SH3KBP1: variants seen among roughly 807,000 people sequenced by gnomAD.
SH3KBP1 encodes the protein SH3 domain-containing kinase-binding protein 1.
SH3KBP1 carries 8 observed loss-of-function variants against 50.1 expected under a neutral mutation model. That is an observed-to-expected ratio of 0.16 (90% CI 0.09 to 0.29). SH3KBP1 has a LOEUF of 0.29. Ranked by LOEUF, SH3KBP1 falls within the 10% of genes least tolerant of loss-of-function variation. SH3KBP1 has a pLI of 1.00. For missense variants in SH3KBP1, 377 were observed against 535.2 expected (o/e 0.70, Z 2.92); for synonymous variants, 227 against 218.6 (o/e 1.04, Z -0.34).
intron 3 of SH3KBP1, among the ~76,000 whole-genome samples, chrX:19,733,882 A>G (rs753884080): frequency 2.7e-5 from 3 of 112,018 alleles, no homozygotes; most frequent in Non-Finnish European, 3.8e-5. Context: ...AGCTTAGAAC[A>G]CTAAGCAGCA....
chrX:19,593,660 T>C (rs769060292), intron 10 of SH3KBP1, among the ~76,000 whole-genome samples: 46 of 110,841 alleles, frequency 4.2e-4, no homozygotes, highest in African/African-American at 1.3e-3. Context: ...CTAACAATAA[T>C]GAAGTCGGTA....
chrX:19,559,419 C>T (rs1046033907), intron 13 of SH3KBP1, among the ~76,000 whole-genome samples: 1 of 103,205 alleles, frequency 9.7e-6, no homozygotes, highest in Non-Finnish European at 2.0e-5. Flanking sequence ...CTCCGCCTCC[C>T]GGGTTCAAGC....
chrX:19,835,151 C>T (rs1430701436), intron 2 of SH3KBP1, among the ~76,000 whole-genome samples: 3 of 110,954 alleles, frequency 2.7e-5, no homozygotes, highest in Non-Finnish European at 3.8e-5. Flanking sequence ...TCTACCTTTA[C>T]TTATTTGTTT....
intron 1 of SH3KBP1, among the ~76,000 whole-genome samples, chrX:19,879,767 A>G (rs2069377299): frequency 8.8e-6 from 1 of 113,030 alleles, no homozygotes; most frequent in Non-Finnish European, 1.9e-5. Flanking sequence ...CATAAAACGA[A>G]GACTGTGGTT....
Position 19,683,857 on chromosome X carries a change from A to G in SH3KBP1, c.692T>C (p.Ile231Thr), listed in dbSNP as rs1283584841. 10 of 1,209,937 alleles carry G rather than the reference A, an allele frequency of 8.3e-6. No individual in the cohort carries two copies. In the African/African-American group the frequency reaches 1.4e-4, roughly 17 times the overall value. The stretch of plus-strand genomic sequence containing the variant: ...CGGCAGAAAGTCATTTTCTACTTCA[A>G]TTGACCTTGGTCTTAGTTTGATTGG... ...DKPIKLRPRSIEVENDFLPVE... is the reference protein window; with the variant it reads ...DKPIKLRPRSTEVENDFLPVE... Residue 231 changes from isoleucine (I) to threonine (T), a missense_variant, in exon 6 of 18, where the codon ATT becomes ACT. Ile to Thr is a moderately conservative substitution (Grantham distance 89). Around this residue, in one of 3 missense-constraint regions of SH3KBP1, gnomAD observed 257 missense variants for 374.2 expected, o/e 0.69. Coordinates refer to ENST00000397821, the MANE Select transcript of SH3KBP1 (RefSeq NM_031892.3).
At chrX:19,687,083 T>C (rs1444901014) in intron 5 of SH3KBP1, among the ~76,000 whole-genome samples, 1 of 112,967 alleles carries the variant, frequency 8.9e-6, no homozygotes, top group African/African-American at 3.2e-5. Context: ...GGCTACACAT[T>C]GGTCCTGCCA....
intron 15 of SH3KBP1, among the ~76,000 whole-genome samples, chrX:19,543,848 G>A (rs1456427832): frequency 9.0e-6 from 1 of 111,421 alleles, no homozygotes; most frequent in Non-Finnish European, 1.9e-5. Context: ...GAGAGAAGAG[G>A]GGTGCCCAGT....
intron 3 of SH3KBP1, among the ~76,000 whole-genome samples, chrX:19,726,079 A>G (rs1025058275): frequency 1.7e-4 from 19 of 111,996 alleles, no homozygotes; most frequent in Non-Finnish European, 3.6e-4. Flanking sequence ...TGCCAAAGAC[A>G]GGACTATAGA....
chrX:19,683,815 G>A lies in SH3KBP1; in HGVS notation c.726+8C>T, dbSNP rs777873973. 43 of 1,197,214 alleles carry A rather than the reference G, an allele frequency of 3.6e-5. No individual in the cohort carries two copies. Among genetic ancestry groups the A allele is most frequent in the Non-Finnish European group, 4.5e-5 (40 of 883,452 alleles). On this transcript the variant is annotated splice_region_variant and intron_variant, in intron 6 of 17. Transcript: ENST00000397821. ...AAGTTGAAATCAAATAGAAACTGTC[G>A]AACATACCTTTTCTACCGGCAGAAA...
chrX:19,846,192 C>T (rs1224296753), intron 1 of SH3KBP1, among the ~76,000 whole-genome samples: 2 of 110,805 alleles, frequency 1.8e-5, no homozygotes, highest in African/African-American at 6.6e-5. Context: ...CTCCAGAGTA[C>T]AGGCATGCAC....
intron 2 of SH3KBP1, among the ~76,000 whole-genome samples, chrX:19,768,727 C>T (rs1389662754): frequency 9.2e-6 from 1 of 108,955 alleles, no homozygotes; most frequent in Admixed American, 1.0e-4. Context: ...TCAAAATTTT[C>T]CAAGACTGAC....
chrX:19,781,617 C>CAA (rs779535076), intron 2 of SH3KBP1, among the ~76,000 whole-genome samples: 2 of 59,337 alleles, frequency 3.4e-5, no homozygotes, highest in Non-Finnish European at 6.5e-5. Context: ...GACTCGGTCA[C>CAA]AAAAAAAAAA....
intron 1 of SH3KBP1, among the ~76,000 whole-genome samples, chrX:19,839,761 C>T (rs2068170683): frequency 8.9e-6 from 1 of 112,318 alleles, no homozygotes; most frequent in Non-Finnish European, 1.9e-5. Context: ...GAGGCAATCC[C>T]AAGCTGTGTC....
chrX:19,651,687 G>A (rs191977535), intron 6 of SH3KBP1, among the ~76,000 whole-genome samples: 1 of 112,143 alleles, frequency 8.9e-6, no homozygotes, highest in Non-Finnish European at 1.9e-5. Context: ...AGCTGCTGTA[G>A]AAGCAGTTGT....
At chrX:19,618,240 C>G (rs1318066290) in intron 8 of SH3KBP1, among the ~76,000 whole-genome samples, 1 of 109,693 alleles carries the variant, frequency 9.1e-6, no homozygotes, top group East Asian at 2.9e-4. Flanking sequence ...AAAAATTAGC[C>G]GGGCGTGGTG....
chrX:19,589,609 T>C (rs1297560977), intron 11 of SH3KBP1, among the ~76,000 whole-genome samples: 1 of 110,744 alleles, frequency 9.0e-6, no homozygotes, highest in Non-Finnish European at 1.9e-5. Context: ...GACAACCTCA[T>C]ATTTTCTGTT....
intron 9 of SH3KBP1, 57 bp downstream of exon 9, chrX:19,607,881 C>T (rs1021214785): frequency 5.0e-5 from 50 of 1,003,199 alleles, no homozygotes; most frequent in Admixed American, 2.2e-5. Context: ...CTTCCCCCAT[C>T]CCAAGTCCCA....
At position 19,584,425 on chromosome X, in the gene SH3KBP1, GT is replaced by G. The variant is rs780279943; in HGVS notation, c.1298+4217del. On this transcript the variant is annotated intron_variant, in intron 12 of 17. Transcript: ENST00000397821. Reference sequence around the variant, plus strand: ...GTTCACTGCAGACTCAACCTCCTGGGTTTAAGCAATCCTCCCACTTTAGCAT... The same window carrying G: ...GTTCACTGCAGACTCAACCTCCTGGGTTAAGCAATCCTCCCACTTTAGCAT... Among the ~76,000 whole-genome samples, 164 of 106,458 alleles carry G rather than the reference GT, an allele frequency of 1.5e-3. 1 individual carries two copies. The highest frequency in any genetic ancestry group is 5.4e-3 in the African/African-American group (157 of 29,213). The allele number at this position is 106,458 out of a possible 115,157, so 92.4% of individuals were successfully genotyped here.
chrX:19,765,827 T>C (rs1036679536), intron 2 of SH3KBP1, among the ~76,000 whole-genome samples: 1 of 112,195 alleles, frequency 8.9e-6, no homozygotes, highest in Non-Finnish European at 1.9e-5. Flanking sequence ...CTTTTGTGAC[T>C]GGCTTCTGTC....
Sources: allele counts gnomAD v4.1 joint callset (sites outside exome capture counted in the v4.1 genomes callset), GRCh38; gene constraint gnomAD v4.1.1; regional missense constraint gnomAD v4.1.1; transcripts MANE v1.5; gene names NCBI Gene and HGNC (gene_info 2026-07-23, HGNC 2026-07-21).